EMC1: variants seen among roughly 807,000 people sequenced by gnomAD.
EMC1 encodes the protein KIAA0090.
EMC1 carries 103 observed loss-of-function variants against 128.8 expected under a neutral mutation model. The observed-to-expected ratio is 0.80, with a 90% CI of 0.68 to 0.94. EMC1 has a LOEUF of 0.94. Among genes scored for constraint, EMC1 ranks in the 40% least tolerant of loss-of-function variants. The pLI, the probability that EMC1 is intolerant of heterozygous loss-of-function variation, is 0.00. For synonymous variants in EMC1, 442 were observed against 490.4 expected, an observed-to-expected ratio of 0.90 and a Z score of 1.30; for missense variants, 1,083 against 1,250.6, an observed-to-expected ratio of 0.87 and a Z score of 2.02.
At chr1:19,225,521 C>T (rs1258911267) in intron 18 of EMC1, among the ~76,000 whole-genome samples, 1 of 152,086 alleles carries the variant, frequency 6.6e-6, no homozygotes, top group Non-Finnish European at 1.5e-5. Flanking sequence ...GTGGTGCGCG[C>T]TTGTAGTCCC....
chr1:19,219,642 A>T lies in EMC1; in HGVS notation c.2729T>A (p.Ile910Asn). The T allele has an allele frequency of 6.2e-7, 1 of 1,614,064 alleles. No homozygotes were observed. Among genetic ancestry groups the T allele is most frequent in the Non-Finnish European group, 8.5e-7 (1 of 1,180,010 alleles). ...PDVQIHAERF[I>N]NYNQTVSRMR... ...TCGAGAAACTGTCTGGTTATAGTTGATGAATCGCTCTGCGTGTATCTGTAC... is the reference window on the plus strand; with the variant it reads ...TCGAGAAACTGTCTGGTTATAGTTGTTGAATCGCTCTGCGTGTATCTGTAC... The change falls in exon 22 of 23, where the codon ATC becomes AAC. Residue 910 changes from isoleucine (I) to asparagine (N), a missense_variant. Physicochemically the swap from Ile to Asn is moderately radical, Grantham distance 149. Around this residue, in one of 3 missense-constraint regions of EMC1, gnomAD observed 527 missense variants for 644.1 expected, o/e 0.82. Coordinates refer to ENST00000477853, the MANE Select transcript of EMC1 (RefSeq NM_015047.3).
intron 12 of EMC1, 32 bp from the exon 13 acceptor site, chr1:19,235,284 G>A: frequency 3.8e-6 from 6 of 1,599,680 alleles, no homozygotes; most frequent in Non-Finnish European, 5.1e-6. Flanking sequence ...AGCTAAGCCT[G>A]GGGCTGGGCA....
intron 1 of EMC1, among the ~76,000 whole-genome samples, chr1:19,247,367 TAC>T (rs1558115900): frequency 6.6e-6 from 1 of 152,194 alleles, no homozygotes; most frequent in Non-Finnish European, 1.5e-5. Flanking sequence ...CGTTTTACTA[TAC>T]AGTCATGCAC....
At chr1:19,227,490 A>G (rs374445914) in intron 17 of EMC1, 40 bp from the exon 18 acceptor site, 22 of 1,612,574 alleles carry the variant, frequency 1.4e-5, no homozygotes, top group Non-Finnish European at 1.8e-5. Flanking sequence ...AGGAGGGTAC[A>G]CTTAGAACTG....
At position 19,222,651 on chromosome 1, in the gene EMC1, G is replaced by A. The variant is rs779992757; in HGVS notation, c.2560C>T (p.Arg854Trp). The A allele has an allele frequency of 1.4e-5, 23 of 1,613,902 alleles. No individual in the cohort carries two copies. Among genetic ancestry groups the A allele is most frequent in the African/African-American group, 2.7e-5 (2 of 74,902 alleles). Residue 854 changes from arginine (R) to tryptophan (W), a missense_variant, in exon 20 of 23, where the codon CGG (arginine) becomes TGG (tryptophan). By Grantham distance (101) the Arg-to-Trp change is moderately radical. This residue lies in a region of EMC1 where 527 missense variants were observed against 644.1 expected (regional missense o/e 0.82). Transcript: ENST00000477853. ...ISAMEATITE[R>W]GITSRHLLIG... is the part of the protein sequence containing the mutation. ...AGCAGGTGTCGGCTGGTGATGCCCC[G>A]TTCGGTGATGGTGGCCTCCATGGCA...
At chr1:19,228,476 C>T (rs556813947) in intron 17 of EMC1, among the ~76,000 whole-genome samples, 116 of 152,136 alleles carry the variant, frequency 7.6e-4, no homozygotes, top group Admixed American at 2.7e-3. Flanking sequence ...TGGAATTATG[C>T]GGAGCCCTTG....
At chr1:19,244,313 A>G (rs1226426890) in intron 2 of EMC1, among the ~76,000 whole-genome samples, 1 of 152,198 alleles carries the variant, frequency 6.6e-6, no homozygotes, top group African/African-American at 2.4e-5. Flanking sequence ...CATAAATTCT[A>G]TTTCCCTTAT....
intron 13 of EMC1, among the ~76,000 whole-genome samples, chr1:19,233,545 T>G (rs1249333328): frequency 6.6e-6 from 1 of 152,176 alleles, no homozygotes; most frequent in Non-Finnish European, 1.5e-5. Context: ...AGTGAATATG[T>G]ATCATGAGCA....
chr1:19,244,483 C>G, intron 2 of EMC1: 1 of 254,168 alleles, frequency 3.9e-6, no homozygotes, highest in Non-Finnish European at 7.7e-6. Context: ...ATGATCACAG[C>G]TCACTGCAGC....
chr1:19,235,675 T>A (rs529575632), intron 12 of EMC1, among the ~76,000 whole-genome samples: 2 of 151,970 alleles, frequency 1.3e-5, no homozygotes, highest in Non-Finnish European at 2.9e-5. Flanking sequence ...CACTCCAGCC[T>A]GGGCGACACA....
chr1:19,222,526 G>T, intron 20 of EMC1, 98 bp downstream of exon 20: 1 of 1,088,928 alleles, frequency 9.2e-7, no homozygotes, highest in Non-Finnish European at 1.4e-6. Flanking sequence ...CTTACAGGTG[G>T]TTCAACAAGG....
intron 5 of EMC1, among the ~76,000 whole-genome samples, chr1:19,242,010 G>T (rs569303774): frequency 2.1e-4 from 32 of 152,192 alleles, no homozygotes; most frequent in African/African-American, 7.2e-4. Flanking sequence ...TGAACGAAAG[G>T]CTCAGTCAGA....
In EMC1 at chr1:19,241,138, T is replaced by C; in HGVS notation, c.514A>G (p.Ser172Gly). The stretch of plus-strand genomic sequence containing the variant: ...GAATACACCATCTGGTAGTGGATGC[T>C]GTCACTAAGAGAGGGAAGAAGAAAC... ...KWVEHLPESD[S>G]IHYQMVYSYG... Residue 172 changes from serine (S) to glycine (G), a missense_variant, in exon 6 of 23, where the codon AGC (serine) becomes GGC (glycine). Transcript: ENST00000477853. The C allele has an allele frequency of 6.2e-7, 1 of 1,614,106 alleles. No individual in the cohort carries two copies. The highest frequency in any genetic ancestry group is 8.5e-7 in the Non-Finnish European group (1 of 1,180,002).
intron 12 of EMC1, 44 bp downstream of exon 12, chr1:19,237,098 A>G: frequency 7.3e-7 from 1 of 1,360,920 alleles, no homozygotes; most frequent in Non-Finnish European, 1.1e-6. Flanking sequence ...ACACATTGGA[A>G]GGCCTGGGGA....
chr1:19,227,020 C>CT (rs2093479830), intron 18 of EMC1, among the ~76,000 whole-genome samples: 1 of 151,992 alleles, frequency 6.6e-6, no homozygotes. Context: ...GAGCAAGACT[C>CT]TGTCACAGGA....
chr1:19,234,222 C>A (rs2093546144), intron 13 of EMC1: 1 of 982,308 alleles, frequency 1.0e-6, no homozygotes, highest in Non-Finnish European at 1.2e-6. Flanking sequence ...ACAGTAAAGT[C>A]AAATTAATCC....
At chr1:19,241,541 G>A (rs766195907) in intron 5 of EMC1, among the ~76,000 whole-genome samples, 8 of 152,044 alleles carry the variant, frequency 5.3e-5, no homozygotes, top group East Asian at 3.9e-4. Context: ...TTTAGACAGC[G>A]TCTCACTCTG....
intron 12 of EMC1, 101 bp downstream of exon 12, chr1:19,237,040 GA>G (rs1161149687): frequency 4.3e-6 from 3 of 699,772 alleles, no homozygotes; most frequent in African/African-American, 1.8e-5. Flanking sequence ...CACTCCACTT[GA>G]ATCTCTTCCA....
intron 1 of EMC1, among the ~76,000 whole-genome samples, chr1:19,249,921 A>G (rs1425105515): frequency 6.6e-6 from 1 of 151,686 alleles, no homozygotes; most frequent in Non-Finnish European, 1.5e-5. Flanking sequence ...GTCTCAAAAA[A>G]TTTTAAAAAG....
Sources: allele counts gnomAD v4.1 joint callset (sites outside exome capture counted in the v4.1 genomes callset), GRCh38; gene constraint gnomAD v4.1.1; regional missense constraint gnomAD v4.1.1; transcripts MANE v1.5; gene names NCBI Gene and HGNC (gene_info 2026-07-23, HGNC 2026-07-21).